ZMYM2: variants seen among roughly 807,000 people sequenced by gnomAD.
ZMYM2 encodes the protein zinc finger MYM-type containing 2.
Under a neutral mutation model 162.8 loss-of-function variants are expected in ZMYM2, and 56 were observed. The ratio of observed to expected loss-of-function variants is 0.34; its 90% confidence interval spans 0.28 to 0.43. The LOEUF is 0.43. Among genes scored for constraint, ZMYM2 ranks in the 20% least tolerant of loss-of-function variants. ZMYM2 has a pLI of 1.00. For missense variants in ZMYM2, 1,275 were observed against 1,621.8 expected, an observed-to-expected ratio of 0.79 and a Z score of 3.67; for synonymous variants, 510 against 541.6, an observed-to-expected ratio of 0.94 and a Z score of 0.81.
chr13:19,975,906 A>ATGTATGTG (rs1555280800), intron 2 of ZMYM2, among the ~76,000 whole-genome samples: 1 of 151,092 alleles, frequency 6.6e-6, no homozygotes, highest in Non-Finnish European at 1.5e-5. Flanking sequence ...GTATGTATGT[A>ATGTATGTG]GAGCTGGAGT....
upstream of ZMYM2, among the ~76,000 whole-genome samples, chr13:19,957,957 T>C (rs1247867175): frequency 2.6e-5 from 4 of 152,198 alleles, no homozygotes; most frequent in Non-Finnish European, 4.4e-5. Flanking sequence ...CAGAGTCCAG[T>C]TGGGGCTTCC....
In ZMYM2 at chr13:20,075,571, C is replaced by T. The variant is rs997857793; in HGVS notation, c.3454-6445C>T. Among the ~76,000 whole-genome samples, 11 of 151,510 alleles carry T rather than the reference C, an allele frequency of 7.3e-5. No individual in the cohort carries two copies. In the East Asian group the frequency reaches 1.7e-3, roughly 24 times the overall value. On this transcript the variant is annotated intron_variant, in intron 21 of 24. Transcript: ENST00000610343. The stretch of plus-strand genomic sequence containing the variant: ...AAAATGATAGGAAATCCTACGATAA[C>T]CATCATTAACATTTCATGATCATTC...
At chr13:19,878,723 T>C in the ZMYM2 span, among the ~76,000 whole-genome samples, 2 of 152,136 alleles carry the variant, frequency 1.3e-5, no homozygotes, top group Non-Finnish European at 2.9e-5. Context: ...GGTTTCACCA[T>C]GTTGGTCAGG....
the ZMYM2 span, among the ~76,000 whole-genome samples, chr13:19,892,816 G>A: frequency 6.6e-6 from 1 of 151,118 alleles, no homozygotes; most frequent in Non-Finnish European, 1.5e-5. Flanking sequence ...CTGGGTTCAA[G>A]CGATTCTCCT....
the ZMYM2 span, among the ~76,000 whole-genome samples, chr13:19,946,560 C>T: frequency 1.3e-5 from 2 of 152,184 alleles, no homozygotes; most frequent in Admixed American, 1.3e-4. Flanking sequence ...AGCTCTCGAT[C>T]GCACTTACTT....
chr13:20,058,950 CGA>C (rs1391387344), intron 15 of ZMYM2: 1 of 581,094 alleles, frequency 1.7e-6, no homozygotes, highest in African/African-American at 1.9e-5. Context: ...AATACTATCT[CGA>C]AAATTTCCTT....
the ZMYM2 span, among the ~76,000 whole-genome samples, chr13:19,918,891 C>G: frequency 6.6e-6 from 1 of 152,106 alleles, no homozygotes; most frequent in African/African-American, 2.4e-5. Context: ...GTACATTGTG[C>G]CTGCTTAGTT....
At chr13:19,982,281 CTTTTT>C (rs56165263) in intron 2 of ZMYM2, among the ~76,000 whole-genome samples, 4 of 86,256 alleles carry the variant, frequency 4.6e-5, no homozygotes, top group South Asian at 5.5e-4. Flanking sequence ...TATTAGCTGT[CTTTTT>C]TTTTTTTTTT....
intron 10 of ZMYM2, among the ~76,000 whole-genome samples, chr13:20,031,752 CCT>C (rs1373835048): frequency 6.6e-6 from 1 of 151,994 alleles, no homozygotes; most frequent in African/African-American, 2.4e-5. Flanking sequence ...CATGTTTCTC[CCT>C]GTCCTGTATT....
At chr13:20,011,581 T>A (rs1322058044) in intron 6 of ZMYM2, among the ~76,000 whole-genome samples, 1 of 150,294 alleles carries the variant, frequency 6.7e-6, no homozygotes, top group East Asian at 1.9e-4. Context: ...TTGTTTTATT[T>A]TTTTTTTTTT....
At chr13:19,973,594 C>T (rs1238985169) in intron 2 of ZMYM2, among the ~76,000 whole-genome samples, 1 of 150,242 alleles carries the variant, frequency 6.7e-6, no homozygotes, top group African/African-American at 2.5e-5. Context: ...TTGCCTGAAC[C>T]CGGGAGGCAG....
intron 6 of ZMYM2, among the ~76,000 whole-genome samples, chr13:20,018,007 G>A (rs1278089420): frequency 6.6e-6 from 1 of 152,136 alleles, no homozygotes; most frequent in East Asian, 1.9e-4. Context: ...GTATTGCCAA[G>A]TGGAGTTAAA....
At chr13:19,931,104 A>G in the ZMYM2 span, among the ~76,000 whole-genome samples, 1 of 148,204 alleles carries the variant, frequency 6.7e-6, no homozygotes, top group Non-Finnish European at 1.5e-5. Context: ...GCGCCACAGC[A>G]CTCCGGCCTG....
the ZMYM2 span, among the ~76,000 whole-genome samples, chr13:19,898,882 A>G: frequency 6.6e-6 from 1 of 151,478 alleles, no homozygotes; most frequent in East Asian, 1.9e-4. Flanking sequence ...ATAGTGAGCC[A>G]TGATCACGCC....
chr13:20,088,830 A>G lies in ZMYM2; in HGVS notation c.*2816A>G, dbSNP rs979214730. The G allele has an allele frequency of 1.3e-4, 25 of 194,290 alleles. No homozygotes were observed. The highest frequency in any genetic ancestry group is 5.3e-4 in the African/African-American group (23 of 43,216). The allele number at this position is 194,290 out of a possible 1,614,324, so 12.0% of individuals were successfully genotyped here. ...TGGGAATGGGGTAACTTCTTTATGCATAGTATTAAGGGTTATAGTATGAAG... is the reference window on the plus strand; with the variant it reads ...TGGGAATGGGGTAACTTCTTTATGCGTAGTATTAAGGGTTATAGTATGAAG... On this transcript the variant is annotated 3_prime_UTR_variant, in exon 25 of 25. Transcript: ENST00000610343.
At chr13:19,983,928 A>G (rs1948937381) in intron 2 of ZMYM2, among the ~76,000 whole-genome samples, 1 of 152,172 alleles carries the variant, frequency 6.6e-6, no homozygotes, top group African/African-American at 2.4e-5. Flanking sequence ...GTGCCTGGCC[A>G]GGAATTTTTA....
At chr13:19,899,979 T>C in the ZMYM2 span, among the ~76,000 whole-genome samples, 1 of 151,916 alleles carries the variant, frequency 6.6e-6, no homozygotes, top group Non-Finnish European at 1.5e-5. Context: ...GAGAGGACAT[T>C]ACAGCCAAAA....
the ZMYM2 span, among the ~76,000 whole-genome samples, chr13:19,885,963 GTGTATACACATATATA>G: frequency 1.3e-4 from 17 of 128,206 alleles, 6 homozygotes; most frequent in African/African-American, 5.4e-4. Flanking sequence ...ACATATATAT[GTGTATACACATATATA>G]TGTATATACA....
the ZMYM2 span, among the ~76,000 whole-genome samples, chr13:19,936,720 CA>C: frequency 6.6e-6 from 1 of 151,296 alleles, no homozygotes; most frequent in Non-Finnish European, 1.5e-5. Context: ...AACTATGTCT[CA>C]AAAATAAATA....
Sources: allele counts gnomAD v4.1 joint callset (sites outside exome capture counted in the v4.1 genomes callset), GRCh38; gene constraint gnomAD v4.1.1; transcripts MANE v1.5; gene names NCBI Gene and HGNC (gene_info 2026-07-23, HGNC 2026-07-21).